The following RBFOX1 variants were observed in gnomAD, a reference collection of about 807,000 sequenced individuals.
The protein encoded by RBFOX1 is RNA binding protein fox-1 homolog 1.
RBFOX1 carries 8 observed loss-of-function variants against 57.7 expected under a neutral mutation model. The observed-to-expected ratio is 0.14, with a 90% CI of 0.08 to 0.25. RBFOX1 has a LOEUF of 0.25. RBFOX1 is among the 10% of genes least tolerant of loss of function. The pLI is 1.00. For synonymous variants in RBFOX1, 326 were observed against 222.4 expected (o/e 1.47, Z -4.15); for missense variants, 611 against 548.5 (o/e 1.11, Z -1.14).
intron 4 of RBFOX1, among the ~76,000 whole-genome samples, chr16:7,192,317 G>T (rs1433659163): frequency 1.3e-5 from 2 of 152,314 alleles, no homozygotes; most frequent in South Asian, 2.1e-4. Flanking sequence ...GTCATATTCA[G>T]TGGAGAGGTT....
intron 3 of RBFOX1, among the ~76,000 whole-genome samples, chr16:6,820,031 G>A (rs1389735857): frequency 6.6e-6 from 1 of 152,052 alleles, no homozygotes; most frequent in East Asian, 1.9e-4. Flanking sequence ...GTCATGGGAG[G>A]CACCCAATAG....
In RBFOX1 at chr16:6,448,156, C is replaced by CTTTTTTTTTTTTTTTTTTTTTTTTTTT. The variant is rs397969435; in HGVS notation, c.-64+131120_-64+131121insTTTTTTTTTTTTTTTTTTTTTTTTTTT. Among the ~76,000 whole-genome samples, 91 of 78,480 alleles carry CTTTTTTTTTTTTTTTTTTTTTTTTTTT rather than the reference C, an allele frequency of 1.2e-3. 4 individuals carry two copies. Among genetic ancestry groups the CTTTTTTTTTTTTTTTTTTTTTTTTTTT allele is most frequent in the East Asian group, 3.7e-3 (8 of 2,164 alleles). 51.5% of individuals were successfully genotyped at this position (78,480 alleles called of 152,430 possible). ...TTCTTTTTTTTCTTTTCTTTTCTTT[C>CTTTTTTTTTTTTTTTTTTTTTTTTTTT]TTTTTTTTTTTTTTTTTTTTTGAGA... On this transcript the variant is annotated intron_variant, in intron 2 of 15. Transcript: ENST00000550418.
chr16:7,423,055 TTC>T (rs2149399826), intron 4 of RBFOX1: 1 of 150,872 alleles, frequency 6.6e-6, no homozygotes, highest in East Asian at 2.0e-4. Context: ...CCTTCGGGGA[TTC>T]TGTCTCTGAA....
chr16:5,453,056 T>G (rs2068476615), intron 1 of RBFOX1, among the ~76,000 whole-genome samples: 1 of 152,230 alleles, frequency 6.6e-6, no homozygotes, highest in Admixed American at 6.5e-5. Flanking sequence ...TCTTACTTTG[T>G]CCCTTGCAAC....
At chr16:6,739,995 G>A (rs2071567926) in intron 3 of RBFOX1, among the ~76,000 whole-genome samples, 1 of 152,090 alleles carries the variant, frequency 6.6e-6, no homozygotes, top group South Asian at 2.1e-4. Flanking sequence ...CAATATCCCT[G>A]ATAAATATAG....
chr16:7,037,516 G>T (rs117820016), intron 3 of RBFOX1, among the ~76,000 whole-genome samples: 1 of 152,108 alleles, frequency 6.6e-6, no homozygotes, highest in Non-Finnish European at 1.5e-5. Context: ...AGTGAGGCAC[G>T]TCCAGTCCAC....
intron 3 of RBFOX1, among the ~76,000 whole-genome samples, chr16:6,755,642 A>C (rs1404603829): frequency 6.6e-6 from 1 of 152,206 alleles, no homozygotes; most frequent in Non-Finnish European, 1.5e-5. Context: ...GTAAGGAATG[A>C]GAACTTTAGT....
intron 2 of RBFOX1, among the ~76,000 whole-genome samples, chr16:5,471,354 C>T (rs1382413051): frequency 6.6e-6 from 1 of 152,200 alleles, no homozygotes; most frequent in African/African-American, 2.4e-5. Flanking sequence ...TTTTAACTGG[C>T]CTTGCATTTC....
At chr16:6,987,856 G>A (rs914080224) in intron 3 of RBFOX1, among the ~76,000 whole-genome samples, 4 of 152,024 alleles carry the variant, frequency 2.6e-5, no homozygotes, top group Non-Finnish European at 4.4e-5. Flanking sequence ...TTATTGGGAG[G>A]GCATCTCAAA....
At chr16:6,555,996 A>AT (rs1235914678) in intron 2 of RBFOX1, among the ~76,000 whole-genome samples, 2 of 152,074 alleles carry the variant, frequency 1.3e-5, no homozygotes, top group Non-Finnish European at 2.9e-5. Flanking sequence ...AACCGACTAC[A>AT]TTTTTTTGTC....
intron 4 of RBFOX1, among the ~76,000 whole-genome samples, chr16:7,138,635 C>T (rs892668466): frequency 6.6e-6 from 1 of 152,190 alleles, no homozygotes; most frequent in Non-Finnish European, 1.5e-5. Flanking sequence ...TAATAATTCT[C>T]ACCTGGGGCC....
chr16:7,489,583 A>G (rs906128270), intron 4 of RBFOX1, among the ~76,000 whole-genome samples: 2 of 151,996 alleles, frequency 1.3e-5, no homozygotes, highest in African/African-American at 2.4e-5. Context: ...TGGTACCATC[A>G]TAGCTCACTG....
intron 2 of RBFOX1, among the ~76,000 whole-genome samples, chr16:6,364,926 C>T (rs1018547570): frequency 1.3e-5 from 2 of 152,004 alleles, no homozygotes; most frequent in African/African-American, 4.8e-5. Flanking sequence ...GATATTCACC[C>T]AATTCAGAGC....
At chr16:5,390,938 G>A (rs11643863) in intron 1 of RBFOX1, among the ~76,000 whole-genome samples, 49,363 of 151,998 alleles carry the variant, frequency 0.32, 8,433 homozygotes, top group Non-Finnish European at 0.36. Flanking sequence ...CCAGTGGTGC[G>A]TTTGGGGGCC....
intron 3 of RBFOX1, among the ~76,000 whole-genome samples, chr16:6,900,890 G>A (rs7200045): frequency 2.0e-5 from 3 of 152,190 alleles, no homozygotes; most frequent in Admixed American, 6.5e-5. Context: ...TATGTCTTGT[G>A]AACTGCTAGA....
intron 3 of RBFOX1, among the ~76,000 whole-genome samples, chr16:6,945,014 C>A (rs1330860736): frequency 1.3e-5 from 2 of 152,016 alleles, no homozygotes; most frequent in African/African-American, 2.4e-5. Context: ...TTTAGCAGCT[C>A]TTCTTCTTAT....
At chr16:5,368,993 A>C (rs1179586831) in intron 1 of RBFOX1, among the ~76,000 whole-genome samples, 1 of 152,138 alleles carries the variant, frequency 6.6e-6, no homozygotes, top group African/African-American at 2.4e-5. Context: ...AGAAATGAAG[A>C]CCACAGTGGT....
intron 1 of RBFOX1, among the ~76,000 whole-genome samples, chr16:6,237,816 G>T (rs1045588544): frequency 6.6e-6 from 1 of 152,012 alleles, no homozygotes; most frequent in Non-Finnish European, 1.5e-5. Flanking sequence ...CCTTATGGCT[G>T]GATGCGTTGG....
intron 4 of RBFOX1, among the ~76,000 whole-genome samples, chr16:7,112,450 G>C (rs1283537662): frequency 6.7e-6 from 1 of 148,756 alleles, no homozygotes; most frequent in Admixed American, 6.7e-5. Context: ...CAAGTTGTCC[G>C]CCCGCCTCAG....
Sources: allele counts gnomAD v4.1 joint callset (sites outside exome capture counted in the v4.1 genomes callset), GRCh38; gene constraint gnomAD v4.1.1; transcripts MANE v1.5; gene names NCBI Gene and HGNC (gene_info 2026-07-23, HGNC 2026-07-21).